Variants in RSRP1 observed in about 807,000 individuals in gnomAD.
RSRP1 encodes the protein arginine and serine rich protein 1, also known as arginine/serine-rich protein 1.
RSRP1 carries 37 observed loss-of-function variants against 33.0 expected under a neutral mutation model. The observed-to-expected ratio is 1.12, with a 90% CI of 0.86 to 1.48. The LOEUF (loss-of-function observed/expected upper bound fraction) is 1.48, where lower values mean the gene tolerates loss of function less well. Ranked by LOEUF, RSRP1 falls within the 40% of genes most tolerant of loss-of-function variation. The pLI, the probability that RSRP1 is intolerant of heterozygous loss-of-function variation, is 0.00. For missense variants in RSRP1, 402 were observed against 385.3 expected (o/e 1.04, Z -0.36); for synonymous variants, 167 against 158.7 (o/e 1.05, Z -0.40).
chr1:25,261,756 G>A (rs1400685105), intron 1 of RSRP1, among the ~76,000 whole-genome samples: 1 of 131,050 alleles, frequency 7.6e-6, no homozygotes, highest in Admixed American at 9.0e-5. Context: ...GTGTTGCCCA[G>A]CCTGGAGTGC....
At chr1:25,268,785 T>C (rs1640404723) in intron 1 of RSRP1, among the ~76,000 whole-genome samples, 1 of 128,550 alleles carries the variant, frequency 7.8e-6, no homozygotes, top group South Asian at 2.4e-4. Flanking sequence ...CTGTCTCTAC[T>C]AAAAAAACAA....
chr1:25,272,505 AT>A, intron 1 of RSRP1: 2 of 1,552,886 alleles, frequency 1.3e-6, no homozygotes, highest in East Asian at 4.5e-5. Context: ...GAGAGGGGTG[AT>A]GCCTGGTGCT....
intron 1 of RSRP1, among the ~76,000 whole-genome samples, chr1:25,292,243 T>C (rs1642570770): frequency 7.6e-6 from 1 of 132,238 alleles, no homozygotes. Flanking sequence ...CTCTGAGAAA[T>C]ACAGGGAGAA....
In RSRP1 at chr1:25,332,032, G is replaced by A. The variant is rs1209533434; in HGVS notation, c.-67+5946C>T. Among the ~76,000 whole-genome samples, 11 of 120,626 alleles carry A rather than the reference G, an allele frequency of 9.1e-5. 1 individual carries two copies. The highest frequency in any genetic ancestry group is 5.8e-5 in the Non-Finnish European group (3 of 51,872). 79.1% of individuals were successfully genotyped at this position (120,626 alleles called of 152,430 possible). A position where few individuals can be genotyped will look rare whatever the true frequency, so the allele number is the denominator to read the frequency against. ...TGGGATTACAGGCATGAGCCACCGCGCCCAGCAGATTTTTTTTTTTTTTTT... is the reference window on the plus strand; with the variant it reads ...TGGGATTACAGGCATGAGCCACCGCACCCAGCAGATTTTTTTTTTTTTTTT... On this transcript the variant is annotated intron_variant, in intron 1 of 1. Coordinates refer to the RSRP1 transcript ENST00000561867.
intron 1 of RSRP1, among the ~76,000 whole-genome samples, chr1:25,287,810 C>T (rs28444576): frequency 0.098 from 6,190 of 62,974 alleles, 1,131 homozygotes; most frequent in African/African-American, 0.18. Flanking sequence ...CAGCCTGTGC[C>T]TCCTGGGCTC....
In RSRP1 at chr1:25,291,356, C is replaced by G. The variant is rs1205019360; in HGVS notation, c.-66-44327G>C. 1.2e-4 allele frequency among the ~76,000 whole-genome samples: 16 copies of G among 130,988 alleles called. 1 individual carries two copies. The highest frequency in any genetic ancestry group is 3.6e-4 in the African/African-American group (14 of 38,448). 85.9% of individuals were successfully genotyped at this position (130,988 alleles called of 152,430 possible). On this transcript the variant is annotated intron_variant, in intron 1 of 1. Transcript: ENST00000561867. ...TGGTGGCAGGCGCCTGTAATCCCAGCTACTCAGGAGGCTGAGGCAAGAGAA... is the reference window on the plus strand; with the variant it reads ...TGGTGGCAGGCGCCTGTAATCCCAGGTACTCAGGAGGCTGAGGCAAGAGAA...
intron 1 of RSRP1, chr1:25,290,708 A>C: frequency 7.3e-7 from 1 of 1,377,434 alleles, no homozygotes; most frequent in Non-Finnish European, 1.0e-6. Flanking sequence ...GGGGAAGGTC[A>C]ACTTGGCGCA....
intron 1 of RSRP1, among the ~76,000 whole-genome samples, chr1:25,279,836 GC>G (rs1641319526): frequency 7.7e-6 from 1 of 130,542 alleles, no homozygotes; most frequent in South Asian, 2.3e-4. Flanking sequence ...AGGCATGGGC[GC>G]CCGGGTAGCA....
At chr1:25,259,004 T>A (rs1279325245) in intron 1 of RSRP1, among the ~76,000 whole-genome samples, 6 of 152,210 alleles carry the variant, frequency 3.9e-5, no homozygotes, top group African/African-American at 1.4e-4. Flanking sequence ...AATACAGCCA[T>A]GTACCACATA....
chr1:25,308,233 G>C (rs1643952581), intron 1 of RSRP1, among the ~76,000 whole-genome samples: 1 of 114,058 alleles, frequency 8.8e-6, no homozygotes, highest in African/African-American at 3.0e-5. Flanking sequence ...TCTGCTTGTG[G>C]GCTGCCTAGA....
In RSRP1 at chr1:25,289,089, T is replaced by C. The variant is rs1642277809; in HGVS notation, c.-66-42060A>G. On this transcript the variant is annotated intron_variant, in intron 1 of 1. Coordinates refer to the RSRP1 transcript ENST00000561867. The stretch of plus-strand genomic sequence containing the variant: ...CAGCTGGATTTGAACCTCACATTTG[T>C]GATCAGCTGGCATGACTGTTTCCAA... Among the ~76,000 whole-genome samples the C allele has an allele frequency of 1.5e-5, 2 of 132,078 alleles. 1 individual carries two copies. The highest frequency in any genetic ancestry group is 1.5e-4 in the Admixed American group (2 of 13,606). The allele number at this position is 132,078 out of a possible 152,430, so 86.6% of individuals were successfully genotyped here. A position where few individuals can be genotyped will look rare whatever the true frequency, so the allele number is the denominator to read the frequency against.
intron 2 of RSRP1, 21 bp downstream of exon 2, chr1:25,246,423 A>G: frequency 6.2e-7 from 1 of 1,606,254 alleles, no homozygotes. Context: ...CCACAAATGG[A>G]AAGGTAAATG....
At position 25,308,508 on chromosome 1, in the gene RSRP1, CA is replaced by C. The variant is rs1303281320; in HGVS notation, c.-67+29469del. 8.5e-4 allele frequency among the ~76,000 whole-genome samples: 112 copies of C among 132,086 alleles called. 9 individuals carry two copies. The highest frequency in any genetic ancestry group is 4.3e-3 in the East Asian group (22 of 5,128). The allele number at this position is 132,086 out of a possible 152,430, so 86.7% of individuals were successfully genotyped here. On this transcript the variant is annotated intron_variant, in intron 1 of 1. Transcript: ENST00000561867. ...GTTTTCTGGTAAAGGATTAACTTAA[CA>C]AACTGGCTTTCCAAGAAAATAAAGC...
intron 1 of RSRP1, chr1:25,321,970 T>A: frequency 8.1e-7 from 1 of 1,232,090 alleles, no homozygotes; most frequent in Admixed American, 1.8e-5. Context: ...AAGGTAAGAT[T>A]TTTCACCTAT....
At chr1:25,315,960 G>A (rs1284991783) in intron 1 of RSRP1, among the ~76,000 whole-genome samples, 1 of 131,700 alleles carries the variant, frequency 7.6e-6, no homozygotes, top group East Asian at 1.9e-4. Context: ...ACCCCATGAG[G>A]CTGCAGGCTT....
intron 1 of RSRP1, among the ~76,000 whole-genome samples, chr1:25,269,818 G>A (rs1206811485): frequency 3.0e-5 from 4 of 132,612 alleles, no homozygotes; most frequent in African/African-American, 1.0e-4. Flanking sequence ...GGATCCTCTT[G>A]TCAAGCAGTC....
At chr1:25,329,276 ACT>A in intron 1 of RSRP1, 1 of 455,436 alleles carries the variant, frequency 2.2e-6, no homozygotes, top group East Asian at 3.2e-5. Flanking sequence ...ATGTAGTCTT[ACT>A]CTGTCACCCA....
In RSRP1 at chr1:25,309,812, G is replaced by C. The variant is rs185611620; in HGVS notation, c.-67+28166C>G. 1.5e-5 allele frequency among the ~76,000 whole-genome samples: 2 copies of C among 132,666 alleles called. 1 individual carries two copies. The highest frequency in any genetic ancestry group is 3.6e-5 in the Non-Finnish European group (2 of 56,084). The allele number at this position is 132,666 out of a possible 152,430, so 87.0% of individuals were successfully genotyped here. A position where few individuals can be genotyped will look rare whatever the true frequency, so the allele number is the denominator to read the frequency against. The stretch of plus-strand genomic sequence containing the variant: ...TCACAGGGCTGCTGTGAGGACATGT[G>C]TTGAGCTGAGGGTCTCGCCAGGGGA... On this transcript the variant is annotated intron_variant, in intron 1 of 1. Coordinates refer to the RSRP1 transcript ENST00000561867.
chr1:25,291,291 G>A (rs1642482679), intron 1 of RSRP1, among the ~76,000 whole-genome samples: 1 of 129,648 alleles, frequency 7.7e-6, no homozygotes, highest in African/African-American at 2.6e-5. Context: ...CAACATGGGG[G>A]AACCTCATCT....
Sources: gnomAD v4.1 joint callset for allele counts (sites outside exome capture counted in the v4.1 genomes callset) on GRCh38, gnomAD v4.1.1 for gene constraint, MANE v1.5 for transcripts, NCBI Gene and HGNC (gene_info 2026-07-23, HGNC 2026-07-21) for gene names.